The following SPHKAP variants were observed in gnomAD, a reference collection of about 807,000 sequenced individuals.
SPHKAP encodes A-kinase anchor protein SPHKAP.
SPHKAP carries 67 observed loss-of-function variants against 137.5 expected under a neutral mutation model. The ratio of observed to expected loss-of-function variants is 0.49; its 90% CI spans 0.40 to 0.60. The LOEUF (loss-of-function observed/expected upper bound fraction) is 0.60. SPHKAP is among the 20% of genes least tolerant of loss of function. The pLI, the probability that SPHKAP is intolerant of heterozygous loss-of-function variation, is 0.00. For missense variants in SPHKAP, 2,097 were observed against 2,069.3 expected (o/e 1.01, Z -0.26); for synonymous variants, 813 against 785.3 (o/e 1.04, Z -0.59).
At chr2:228,146,208 C>T (rs964192987) in intron 1 of SPHKAP, among the ~76,000 whole-genome samples, 5 of 152,142 alleles carry the variant, frequency 3.3e-5, no homozygotes, top group Non-Finnish European at 5.9e-5. Flanking sequence ...GTCAATATCC[C>T]CAGCCATAGT....
At chr2:228,081,780 A>G (rs1266206902) in intron 3 of SPHKAP, among the ~76,000 whole-genome samples, 1 of 152,180 alleles carries the variant, frequency 6.6e-6, no homozygotes, top group African/African-American at 2.4e-5. Context: ...GGTGGTTACC[A>G]GGGGCTGAGA....
At chr2:228,088,222 TA>T (rs1292690463) in intron 3 of SPHKAP, among the ~76,000 whole-genome samples, 1 of 152,162 alleles carries the variant, frequency 6.6e-6, no homozygotes, top group Admixed American at 6.5e-5. Context: ...TTAATAGGCA[TA>T]AAATTATAAT....
intron 3 of SPHKAP, among the ~76,000 whole-genome samples, chr2:228,105,335 A>G (rs1307234593): frequency 6.6e-6 from 1 of 152,200 alleles, no homozygotes; most frequent in East Asian, 1.9e-4. Context: ...ACTTACGTGA[A>G]GGACCTCTAT....
At chr2:228,130,129 C>G (rs769211723) in intron 2 of SPHKAP, among the ~76,000 whole-genome samples, 4 of 152,078 alleles carry the variant, frequency 2.6e-5, no homozygotes, top group Non-Finnish European at 5.9e-5. Context: ...CATCCAGGCC[C>G]AAATAGCCCT....
chr2:228,036,533 G>T (rs976880064), intron 3 of SPHKAP, among the ~76,000 whole-genome samples: 1 of 152,110 alleles, frequency 6.6e-6, no homozygotes, highest in East Asian at 1.9e-4. Flanking sequence ...CCATTACTGG[G>T]TATATACCCA....
At chr2:228,046,174 G>A (rs13398704) in intron 3 of SPHKAP, among the ~76,000 whole-genome samples, 58,093 of 151,584 alleles carry the variant, frequency 0.38, 11,571 homozygotes, top group South Asian at 0.51. Context: ...GTCAAATCAA[G>A]GTGTATACCC....
intron 3 of SPHKAP, among the ~76,000 whole-genome samples, chr2:228,060,908 G>T (rs1047370635): frequency 7.2e-5 from 11 of 152,184 alleles, no homozygotes; most frequent in Admixed American, 7.2e-4. Flanking sequence ...GAAATAGGTG[G>T]TTGAGGAACA....
At chr2:228,053,518 T>TG (rs1437170024) in intron 3 of SPHKAP, among the ~76,000 whole-genome samples, 2 of 152,236 alleles carry the variant, frequency 1.3e-5, no homozygotes, top group Admixed American at 6.5e-5. Flanking sequence ...ACACAGGGGC[T>TG]GGGGGGAGTG....
At chr2:228,138,381 A>G (rs1699499066) in intron 1 of SPHKAP, among the ~76,000 whole-genome samples, 1 of 152,226 alleles carries the variant, frequency 6.6e-6, no homozygotes, top group Non-Finnish European at 1.5e-5. Flanking sequence ...ATCTGTTTTA[A>G]CAATTTAAAT....
intron 3 of SPHKAP, among the ~76,000 whole-genome samples, chr2:228,028,926 G>A (rs1210940092): frequency 6.7e-6 from 1 of 148,510 alleles, no homozygotes; most frequent in Non-Finnish European, 1.5e-5. Flanking sequence ...TTTTCAAAGA[G>A]GTTAGCTATG....
intron 1 of SPHKAP, among the ~76,000 whole-genome samples, chr2:228,162,644 G>A (rs1700308246): frequency 1.3e-5 from 2 of 152,176 alleles, no homozygotes. Flanking sequence ...AACAGGATGG[G>A]AGGGACACAG....
chr2:228,117,781 A>G (rs1698759129), intron 2 of SPHKAP, among the ~76,000 whole-genome samples: 3 of 151,454 alleles, frequency 2.0e-5, no homozygotes, highest in South Asian at 2.1e-4. Flanking sequence ...AGTTAAAGGT[A>G]TCCTAAGTCC....
At chr2:228,030,695 T>C (rs991111957) in intron 3 of SPHKAP, among the ~76,000 whole-genome samples, 9 of 151,460 alleles carry the variant, frequency 5.9e-5, no homozygotes, top group African/African-American at 2.2e-4. Context: ...GAATATGATA[T>C]CTAATTGACT....
At chr2:228,173,174 AT>A (rs1391489724) in intron 1 of SPHKAP, among the ~76,000 whole-genome samples, 1 of 152,170 alleles carries the variant, frequency 6.6e-6, no homozygotes, top group African/African-American at 2.4e-5. Context: ...CTTCCTTTTT[AT>A]TTAATAAAGA....
chr2:228,035,383 A>C, intron 3 of SPHKAP, among the ~76,000 whole-genome samples: 1 of 152,110 alleles, frequency 6.6e-6, no homozygotes, highest in Non-Finnish European at 1.5e-5. Flanking sequence ...AATAAAAGAA[A>C]ATACAAACAA....
At chr2:228,086,021 C>T (rs1440173544) in intron 3 of SPHKAP, among the ~76,000 whole-genome samples, 1 of 152,062 alleles carries the variant, frequency 6.6e-6, no homozygotes, top group Non-Finnish European at 1.5e-5. Context: ...AACCCTGCCT[C>T]AGTTATAAAC....
intron 3 of SPHKAP, among the ~76,000 whole-genome samples, chr2:228,098,814 G>GT (rs35480556): frequency 0.31 from 46,937 of 149,888 alleles, 7,548 homozygotes; most frequent in Admixed American, 0.39. Flanking sequence ...TTTTAATGGG[G>GT]TTTTTTTTGC....
intron 7 of SPHKAP, among the ~76,000 whole-genome samples, chr2:228,015,167 A>G (rs920495705): frequency 4.1e-5 from 6 of 147,634 alleles, no homozygotes; most frequent in African/African-American, 1.2e-4. Flanking sequence ...GAGAACATGC[A>G]GTGTTTGGTT....
At chr2:228,112,229 A>G (rs1216449794) in intron 2 of SPHKAP, among the ~76,000 whole-genome samples, 1 of 152,178 alleles carries the variant, frequency 6.6e-6, no homozygotes, top group Non-Finnish European at 1.5e-5. Context: ...GATTTAAAAT[A>G]CAGGTATCAT....
Sources: gnomAD v4.1 joint callset for allele counts (sites outside exome capture counted in the v4.1 genomes callset) on GRCh38, gnomAD v4.1.1 for gene constraint, MANE v1.5 for transcripts, NCBI Gene and HGNC (gene_info 2026-07-23, HGNC 2026-07-21) for gene names.